PBX1: variants seen among roughly 807,000 people sequenced by gnomAD.
PBX1 encodes the protein pre-B-cell leukemia transcription factor 1.
Under a neutral mutation model 53.4 loss-of-function variants are expected in PBX1, and 6 were observed. The observed-to-expected ratio is 0.11, with a 90% CI of 0.06 to 0.22. The LOEUF is 0.22. Ranked by LOEUF, PBX1 falls within the 10% of genes least tolerant of loss-of-function variation. The pLI is 1.00. For missense variants in PBX1, 251 were observed against 551.4 expected (o/e 0.46, Z 5.46); for synonymous variants, 204 against 212.3 (o/e 0.96, Z 0.34).
chr1:164,563,308 A>G lies in PBX1; in HGVS notation c.262A>G (p.Thr88Ala). Residue 88 changes from threonine to alanine, a missense_variant, in exon 2 of 9, where the codon ACA becomes GCA. Physicochemically the swap from Thr to Ala is moderately conservative, Grantham distance 58. Around this residue, in one of 4 missense-constraint regions of PBX1, gnomAD observed 76 missense variants for 197.5 expected, o/e 0.38. Coordinates refer to ENST00000420696, the MANE Select transcript of PBX1 (RefSeq NM_002585.4). ...FNVLCEIKEK[T>A]VLSIRGAQEE... ...TGTGTTGTGTGAAATCAAAGAAAAAACAGGTAGGAATGAGATTCCAACATT... is the reference window on the plus strand; with the variant it reads ...TGTGTTGTGTGAAATCAAAGAAAAAGCAGGTAGGAATGAGATTCCAACATT... The G allele has an allele frequency of 1.2e-6, 2 of 1,604,868 alleles. No individual in the cohort carries two copies. The highest frequency in any genetic ancestry group is 1.1e-5 in the South Asian group (1 of 90,268).
rs1028267063 is a variant in PBX1, at chr1:164,848,917, C to T, written c.*2241C>T. 1 of 1,070,208 alleles carries T rather than the reference C, an allele frequency of 9.3e-7. No individual in the cohort carries two copies. The highest frequency in any genetic ancestry group is 4.5e-5 in the South Asian group (1 of 22,262). The allele number at this position is 1,070,208 out of a possible 1,614,324, so 66.3% of individuals were successfully genotyped here. Reference sequence around the variant, plus strand: ...GGAAATGCAAAAACTAAGTATTTAGCAAAATGAAATTATGCCTTGATGACT... The same window carrying T: ...GGAAATGCAAAAACTAAGTATTTAGTAAAATGAAATTATGCCTTGATGACT... On this transcript the variant is annotated 3_prime_UTR_variant, in exon 9 of 9. Transcript: ENST00000420696.
chr1:164,824,604 T>C (rs145941487), intron 8 of PBX1, among the ~76,000 whole-genome samples: 1 of 152,286 alleles, frequency 6.6e-6, no homozygotes, highest in East Asian at 1.9e-4. Flanking sequence ...GTCACTTTTT[T>C]TTCTCTTCTG....
At chr1:164,716,478 G>C (rs1664091945) in intron 2 of PBX1, among the ~76,000 whole-genome samples, 1 of 152,188 alleles carries the variant, frequency 6.6e-6, no homozygotes, top group African/African-American at 2.4e-5. Context: ...GATGATGGCA[G>C]ATGGCAGTGC....
At chr1:164,796,712 C>T (rs1445130651) in intron 3 of PBX1, among the ~76,000 whole-genome samples, 2 of 152,214 alleles carry the variant, frequency 1.3e-5, no homozygotes, top group African/African-American at 2.4e-5. Flanking sequence ...AACAACGTTG[C>T]CCTGTAACCT....
At chr1:164,823,226 C>T (rs925423622) in intron 8 of PBX1, among the ~76,000 whole-genome samples, 1 of 152,092 alleles carries the variant, frequency 6.6e-6, no homozygotes, top group African/African-American at 2.4e-5. Flanking sequence ...ACTATTAGTA[C>T]TGCATTGATG....
At chr1:164,670,168 G>T (rs562783724) in intron 2 of PBX1, among the ~76,000 whole-genome samples, 1 of 152,150 alleles carries the variant, frequency 6.6e-6, no homozygotes, top group Admixed American at 6.5e-5. Flanking sequence ...GGAATATTTG[G>T]TTTCTTCCCT....
chr1:164,727,905 T>C (rs1664781704), intron 2 of PBX1, among the ~76,000 whole-genome samples: 1 of 152,220 alleles, frequency 6.6e-6, no homozygotes, highest in Non-Finnish European at 1.5e-5. Context: ...GATGTTTTAG[T>C]GTGACTTGTC....
intron 2 of PBX1, among the ~76,000 whole-genome samples, chr1:164,670,875 C>T (rs773281251): frequency 1.2e-4 from 19 of 152,168 alleles, no homozygotes; most frequent in Admixed American, 8.5e-4. Flanking sequence ...TCCCTGCGCC[C>T]GTGTGCACTT....
At chr1:164,698,367 G>T (rs528048921) in intron 2 of PBX1, among the ~76,000 whole-genome samples, 4 of 152,120 alleles carry the variant, frequency 2.6e-5, no homozygotes, top group Non-Finnish European at 5.9e-5. Context: ...AAGCAATTTC[G>T]TACATTGTAG....
chr1:164,753,244 T>G (rs1379103065), intron 2 of PBX1, among the ~76,000 whole-genome samples: 1 of 152,204 alleles, frequency 6.6e-6, no homozygotes, highest in Non-Finnish European at 1.5e-5. Context: ...TTTAAAAAAG[T>G]GCACAGCATG....
chr1:164,629,880 A>G (rs1658298684), intron 2 of PBX1, among the ~76,000 whole-genome samples: 1 of 152,134 alleles, frequency 6.6e-6, no homozygotes, highest in African/African-American at 2.4e-5. Context: ...TGTTCTCTTA[A>G]CCACATTTGG....
At chr1:164,715,885 G>A (rs762093603) in intron 2 of PBX1, among the ~76,000 whole-genome samples, 3 of 152,084 alleles carry the variant, frequency 2.0e-5, no homozygotes, top group Non-Finnish European at 2.9e-5. Flanking sequence ...TGTATTCCAC[G>A]CCTCCTCTCA....
chr1:164,560,374 T>A (rs180870826), intron 1 of PBX1: 185 of 396,698 alleles, frequency 4.7e-4, no homozygotes, highest in Non-Finnish European at 7.3e-4. Context: ...AGCAGAATTG[T>A]CAAGTTTTGA....
intron 4 of PBX1, among the ~76,000 whole-genome samples, chr1:164,804,751 A>AG (rs1260538539): frequency 6.6e-6 from 1 of 152,272 alleles, no homozygotes; most frequent in Non-Finnish European, 1.5e-5. Flanking sequence ...GTAAGAAAGC[A>AG]GGAAGAGTTG....
At chr1:164,719,034 A>G (rs1381689878) in intron 2 of PBX1, among the ~76,000 whole-genome samples, 1 of 151,926 alleles carries the variant, frequency 6.6e-6, no homozygotes, top group East Asian at 1.9e-4. Flanking sequence ...TAAAAAAAAA[A>G]GTGTTTCAGA....
At position 164,653,924 on chromosome 1, in the gene PBX1, A is replaced by G. The variant is rs932305632; in HGVS notation, c.265+90613A>G. On this transcript the variant is annotated intron_variant, in intron 2 of 8. Transcript: ENST00000420696. ...GCTATTTATAACAATAGGTGTGACA[A>G]TAGAACAGCCTGTTCCTTCTTTGGA... is the stretch of plus-strand genomic sequence containing the variant. 1.1e-4 allele frequency among the ~76,000 whole-genome samples: 17 copies of G among 152,214 alleles called. 1 individual carries two copies. The South Asian group carries it at 2.3e-3, about 20-fold the overall frequency.
intron 2 of PBX1, among the ~76,000 whole-genome samples, chr1:164,718,537 A>G (rs565091617): frequency 2.7e-4 from 41 of 152,314 alleles, no homozygotes; most frequent in African/African-American, 8.9e-4. Flanking sequence ...GGAGTGTTCA[A>G]AATGGTTCTG....
At chr1:164,663,244 G>GCCTTCCTT (rs1319122372) in intron 2 of PBX1, among the ~76,000 whole-genome samples, 7,119 of 127,096 alleles carry the variant, frequency 0.056, 170 homozygotes, top group Admixed American at 0.1. Context: ...CTTCCTTCCT[G>GCCTTCCTT]CCTTCCTGCC....
chr1:164,804,646 T>G (rs1303426608), intron 4 of PBX1, among the ~76,000 whole-genome samples: 2 of 142,672 alleles, frequency 1.4e-5, no homozygotes, highest in Admixed American at 1.4e-4. Flanking sequence ...TTCACTCACT[T>G]CACAAATAGC....
Sources: gnomAD v4.1 joint callset for allele counts (sites outside exome capture counted in the v4.1 genomes callset) on GRCh38, gnomAD v4.1.1 for gene constraint, gnomAD v4.1.1 regional missense constraint, MANE v1.5 for transcripts, NCBI Gene and HGNC (gene_info 2026-07-23, HGNC 2026-07-21) for gene names.